SYNJ1: variants seen among roughly 807,000 people sequenced by gnomAD.
The protein encoded by SYNJ1 is polyphosphatidylinositol phosphatase SYNJ1.
SYNJ1 carries 78 observed loss-of-function variants against 168.2 expected under a neutral mutation model. The ratio of observed to expected loss-of-function variants is 0.46; its 90% CI spans 0.39 to 0.56. The LOEUF (loss-of-function observed/expected upper bound fraction) is 0.56. Among genes scored for constraint, SYNJ1 ranks in the 20% least tolerant of loss-of-function variants. The probability of loss-of-function intolerance (pLI) is 0.00; values close to 1 mark genes in which losing one functional copy is unlikely to be tolerated. For synonymous variants in SYNJ1, 539 were observed against 548.6 expected (o/e 0.98, Z 0.24); for missense variants, 1,303 against 1,597.6 (o/e 0.82, Z 3.14).
chr21:32,705,984 C>T (rs1378054170), intron 2 of SYNJ1, among the ~76,000 whole-genome samples: 2 of 152,086 alleles, frequency 1.3e-5, no homozygotes, highest in East Asian at 3.9e-4. Flanking sequence ...GAAACCCTGT[C>T]TCAACAACAA....
chr21:32,664,932 T>A lies in SYNJ1; in HGVS notation c.2285A>T (p.Asn762Ile), dbSNP rs1387803910. Residue 762 changes from asparagine (N) to isoleucine (I), a missense_variant, in exon 18 of 33, where the codon AAT becomes ATT. Physicochemically the swap from Asn to Ile is moderately radical, Grantham distance 149. Coordinates refer to ENST00000674351, the MANE Select transcript of SYNJ1 (RefSeq NM_203446.3). ...DSLIAGDQLINQKNAGQVFRG... is the reference protein window; with the variant it reads ...DSLIAGDQLIIQKNAGQVFRG... ...ATATACCTGTCCAGCATTTTTCTGA[T>A]TGATAAGTTGATCTCCTGCTATAAG... The A allele has an allele frequency of 6.2e-7, 1 of 1,610,688 alleles. No homozygotes were observed.
intron 2 of SYNJ1, among the ~76,000 whole-genome samples, chr21:32,713,310 GGAT>G (rs2042898844): frequency 7.1e-6 from 1 of 140,414 alleles, no homozygotes; most frequent in Admixed American, 7.2e-5. Context: ...ATATCAACAT[GGAT>G]GATTTCCCAT....
intron 2 of SYNJ1, among the ~76,000 whole-genome samples, chr21:32,716,383 T>A (rs1039817147): frequency 1.3e-5 from 2 of 152,250 alleles, no homozygotes; most frequent in Non-Finnish European, 2.9e-5. Context: ...CCTTCGAATG[T>A]CTGAAAAGTC....
rs2041822657 is a variant in SYNJ1 at position 32,685,914 on chromosome 21, G to T, written c.952C>A (p.His318Asn). 5.6e-6 allele frequency: 9 copies of T among 1,601,136 alleles called. No homozygotes were observed. The highest frequency in any genetic ancestry group is 7.7e-6 in the Non-Finnish European group (9 of 1,175,902). ...EHMLSKAFQSHLKASEHAADI... is the reference protein window; with the variant it reads ...EHMLSKAFQSNLKASEHAADI... ...GCAGCATGTTCAGAAGCTTTCAAAT[G>T]ACTCTGAAAGTAAAAAGGCAAATAT... The change falls in exon 9 of 33, where the codon CAT (histidine) becomes AAT (asparagine). Residue 318 changes from histidine to asparagine, a missense_variant. Physicochemically the swap from His to Asn is moderately conservative, Grantham distance 68. Transcript: ENST00000674351.
rs1029903760 is a variant in SYNJ1 at position 32,659,115 on chromosome 21, T to C, written c.2305-1243A>G. Reference sequence around the variant, plus strand: ...TACCTAAAAAAAAAAAAAAATTTAATAAATTCTTCCCAAATTTTGTGGTCA... The same window carrying C: ...TACCTAAAAAAAAAAAAAAATTTAACAAATTCTTCCCAAATTTTGTGGTCA... On this transcript the variant is annotated intron_variant, in intron 18 of 32. Coordinates refer to ENST00000674351, the MANE Select transcript of SYNJ1 (RefSeq NM_203446.3). Among the ~76,000 whole-genome samples, 6 of 151,648 alleles carry C rather than the reference T, an allele frequency of 4.0e-5. No homozygotes were observed. In the South Asian group the frequency reaches 6.3e-4, roughly 16 times the overall value.
chr21:32,692,584 A>G (rs2042064551), intron 6 of SYNJ1, among the ~76,000 whole-genome samples: 1 of 152,128 alleles, frequency 6.6e-6, no homozygotes, highest in Non-Finnish European at 1.5e-5. Flanking sequence ...CCAAAAAAAA[A>G]ATCCATAATT....
chr21:32,688,215 G>C, intron 7 of SYNJ1, 91 bp downstream of exon 7: 1 of 1,262,616 alleles, frequency 7.9e-7, no homozygotes, highest in Admixed American at 2.5e-5. Flanking sequence ...TTTATTTAAA[G>C]CCAAAAAAGT....
chr21:32,631,892 GGCAA>G, intron 32 of SYNJ1, 91 bp from the exon 33 acceptor site: 1 of 1,191,476 alleles, frequency 8.4e-7, no homozygotes, highest in African/African-American at 1.5e-5. Flanking sequence ...CCCTTTTAGG[GGCAA>G]GCATGTAAAT....
intron 27 of SYNJ1, among the ~76,000 whole-genome samples, chr21:32,642,480 C>T (rs796663347): frequency 6.6e-6 from 1 of 152,154 alleles, no homozygotes. Context: ...TCACAAGATG[C>T]GGCACTGCTG....
intron 12 of SYNJ1, 140 bp downstream of exon 12, chr21:32,678,505 T>C (rs1475677712): frequency 1.2e-6 from 1 of 861,014 alleles, no homozygotes; most frequent in Non-Finnish European, 1.7e-6. Flanking sequence ...CCTTGGAGAA[T>C]GTACTTTTCA....
intron 4 of SYNJ1, among the ~76,000 whole-genome samples, chr21:32,699,202 A>G (rs189981406): frequency 6.6e-6 from 1 of 152,328 alleles, no homozygotes; most frequent in Non-Finnish European, 1.5e-5. Flanking sequence ...AGGAAGTACA[A>G]GTACACTCCA....
intron 2 of SYNJ1, among the ~76,000 whole-genome samples, chr21:32,715,453 A>G (rs2146335527): frequency 6.6e-6 from 1 of 152,186 alleles, no homozygotes; most frequent in African/African-American, 2.4e-5. Flanking sequence ...CAGCCTGGGC[A>G]ACAAAGTGAG....
chr21:32,653,246 T>G, intron 22 of SYNJ1, 42 bp downstream of exon 22: 2 of 1,483,074 alleles, frequency 1.3e-6, no homozygotes, highest in African/African-American at 2.8e-5. Context: ...TCTTCAGACA[T>G]TTAATTTCAG....
At chr21:32,647,799 G>A (rs2040130677) in intron 23 of SYNJ1, among the ~76,000 whole-genome samples, 1 of 152,160 alleles carries the variant, frequency 6.6e-6, no homozygotes, top group East Asian at 1.9e-4. Context: ...AAACCACCCA[G>A]TCCTGACAAC....
chr21:32,693,647 T>A (rs950747665), intron 6 of SYNJ1, among the ~76,000 whole-genome samples: 2 of 152,188 alleles, frequency 1.3e-5, no homozygotes. Context: ...AAATAAAATG[T>A]CAACAATAGT....
chr21:32,713,516 A>G (rs35734870), intron 2 of SYNJ1, among the ~76,000 whole-genome samples: 62 of 133,404 alleles, frequency 4.6e-4, no homozygotes, highest in East Asian at 3.5e-3. Context: ...TTTCCCATAT[A>G]TCAACATGGA....
intron 6 of SYNJ1, among the ~76,000 whole-genome samples, chr21:32,691,654 G>A (rs1011967048): frequency 3.3e-5 from 5 of 152,222 alleles, no homozygotes; most frequent in Non-Finnish European, 7.3e-5. Flanking sequence ...CACTAAAAAT[G>A]TCATTCTTAC....
At chr21:32,651,609 A>G (rs981602069) in intron 22 of SYNJ1, among the ~76,000 whole-genome samples, 3 of 152,246 alleles carry the variant, frequency 2.0e-5, no homozygotes, top group African/African-American at 7.2e-5. Context: ...AAATACTAAC[A>G]AGCATTCTTA....
At chr21:32,708,002 T>TGA (rs1426520034) in intron 2 of SYNJ1, among the ~76,000 whole-genome samples, 1 of 152,182 alleles carries the variant, frequency 6.6e-6, no homozygotes, top group Non-Finnish European at 1.5e-5. Context: ...GGTGACACAG[T>TGA]GAGACTCCGT....
Sources: allele counts gnomAD v4.1 joint callset (sites outside exome capture counted in the v4.1 genomes callset), GRCh38; gene constraint gnomAD v4.1.1; transcripts MANE v1.5; gene names NCBI Gene and HGNC (gene_info 2026-07-23, HGNC 2026-07-21).